Variants in TOX2 observed in about 807,000 individuals in gnomAD.
TOX2 encodes the protein granulosa cell HMG box 1.
A neutral mutation model predicts 47.4 loss-of-function variants in TOX2; 15 were observed. That is an observed-to-expected ratio of 0.32 (90% CI 0.21 to 0.49). The LOEUF is 0.49. Among genes scored for constraint, TOX2 ranks in the 20% least tolerant of loss-of-function variants. The pLI is 0.99. For missense variants in TOX2, 622 were observed against 673.1 expected (o/e 0.92, Z 0.84); for synonymous variants, 290 against 296.6 (o/e 0.98, Z 0.23).
intron 3 of TOX2, among the ~76,000 whole-genome samples, chr20:44,023,431 G>GGAAAAAAAAAAAA (rs1555841868): frequency 8.4e-6 from 1 of 119,148 alleles, no homozygotes. Context: ...CTTTATCTCA[G>GGAAAAAAAAAAAA]AAAAAAAAAA....
At chr20:43,990,753 G>T in intron 2 of TOX2, among the ~76,000 whole-genome samples, 1 of 152,164 alleles carries the variant, frequency 6.6e-6, no homozygotes, top group East Asian at 1.9e-4. Flanking sequence ...TGCTCTAGGG[G>T]ACTTCACTGC....
chr20:43,999,755 G>A (rs565708583), intron 2 of TOX2, among the ~76,000 whole-genome samples: 1 of 152,306 alleles, frequency 6.6e-6, no homozygotes, highest in Non-Finnish European at 1.5e-5. Context: ...TTGCCAGGGG[G>A]CCTGAATAGC....
chr20:44,001,416 T>G (rs1416171798), intron 2 of TOX2, among the ~76,000 whole-genome samples: 6 of 152,226 alleles, frequency 3.9e-5, no homozygotes, highest in Non-Finnish European at 1.5e-5. Flanking sequence ...ACAAGTTGTT[T>G]AGTGTTCAGT....
At chr20:43,974,602 C>A (rs1473511994) in intron 2 of TOX2, among the ~76,000 whole-genome samples, 1 of 152,230 alleles carries the variant, frequency 6.6e-6, no homozygotes, top group Non-Finnish European at 1.5e-5. Context: ...CTATGGCAGT[C>A]CAAGTTGGGT....
intron 1 of TOX2, among the ~76,000 whole-genome samples, chr20:43,954,248 G>C (rs1025551307): frequency 6.6e-6 from 1 of 152,132 alleles, no homozygotes; most frequent in African/African-American, 2.4e-5. Context: ...TGCCTTAAAT[G>C]CTCCCACCCA....
At chr20:44,027,206 A>T (rs1405797994) in intron 3 of TOX2, among the ~76,000 whole-genome samples, 1 of 152,150 alleles carries the variant, frequency 6.6e-6, no homozygotes, top group African/African-American at 2.4e-5. Context: ...CAGAGAATTT[A>T]TAATTAGCTC....
chr20:43,940,642 T>C (rs2069391335), intron 1 of TOX2, among the ~76,000 whole-genome samples: 1 of 150,814 alleles, frequency 6.6e-6, no homozygotes, highest in Admixed American at 6.6e-5. Context: ...TGAGCCAGAG[T>C]CGCAGGGATG....
chr20:44,053,437 TATACACACACACACAC>T (rs2071551952), intron 4 of TOX2, among the ~76,000 whole-genome samples: 1 of 67,180 alleles, frequency 1.5e-5, no homozygotes. Context: ...AGGGCAGATA[TATACACACACACACAC>T]ACACACACAC....
At chr20:44,044,379 A>G (rs1348807571) in intron 3 of TOX2, among the ~76,000 whole-genome samples, 3 of 151,946 alleles carry the variant, frequency 2.0e-5, no homozygotes, top group Non-Finnish European at 2.9e-5. Flanking sequence ...TACATATGTA[A>G]CAAACCTGCA....
chr20:44,054,149 C>G (rs978401954), intron 4 of TOX2, 150 bp from the exon 5 acceptor site: 7 of 735,844 alleles, frequency 9.5e-6, no homozygotes, highest in African/African-American at 3.8e-5. Context: ...GTGTGTGTGT[C>G]TGTCTGTCCA....
chr20:43,953,333 T>C (rs915160613), intron 1 of TOX2, among the ~76,000 whole-genome samples: 7 of 152,222 alleles, frequency 4.6e-5, no homozygotes, highest in African/African-American at 1.7e-4. Flanking sequence ...ACCCAGTGCA[T>C]AGAAGCCGCC....
At chr20:43,978,436 A>C (rs2070116881) in intron 2 of TOX2, among the ~76,000 whole-genome samples, 1 of 152,142 alleles carries the variant, frequency 6.6e-6, no homozygotes, top group African/African-American at 2.4e-5. Flanking sequence ...GAGGAAGCTA[A>C]ACTAAGAGTA....
At chr20:43,992,847 T>G (rs1183834285) in intron 2 of TOX2, among the ~76,000 whole-genome samples, 1 of 92,018 alleles carries the variant, frequency 1.1e-5, no homozygotes, top group African/African-American at 6.4e-5. Context: ...GTGTAGGGTT[T>G]ACAAAAAAAA....
At chr20:43,943,727 T>C (rs929887845) in intron 1 of TOX2, among the ~76,000 whole-genome samples, 18 of 152,340 alleles carry the variant, frequency 1.2e-4, no homozygotes, top group African/African-American at 4.3e-4. Context: ...TCTCTGACAA[T>C]CAATTATACC....
At chr20:43,929,483 A>G (rs2069224020) in intron 1 of TOX2, among the ~76,000 whole-genome samples, 1 of 150,050 alleles carries the variant, frequency 6.7e-6, no homozygotes, top group African/African-American at 2.4e-5. Context: ...CCTTCTTGCT[A>G]TTTCTCAGAT....
At chr20:44,043,216 T>C (rs2071361391) in intron 3 of TOX2, among the ~76,000 whole-genome samples, 1 of 152,168 alleles carries the variant, frequency 6.6e-6, no homozygotes, top group African/African-American at 2.4e-5. Flanking sequence ...AATTAAGTTA[T>C]GTAGGTACCA....
At chr20:43,921,905 G>A (rs1401860570) in intron 1 of TOX2, among the ~76,000 whole-genome samples, 1 of 152,160 alleles carries the variant, frequency 6.6e-6, no homozygotes, top group Admixed American at 6.5e-5. Flanking sequence ...TGGGTTGAAG[G>A]AGCCTCTTAT....
At chr20:43,943,027 C>T (rs889092450) in intron 1 of TOX2, among the ~76,000 whole-genome samples, 4 of 152,186 alleles carry the variant, frequency 2.6e-5, no homozygotes, top group African/African-American at 9.7e-5. Flanking sequence ...ATATTTATTG[C>T]AACGGCAAGA....
chr20:43,993,450 T>C (rs1019061365), intron 2 of TOX2, among the ~76,000 whole-genome samples: 1 of 151,902 alleles, frequency 6.6e-6, no homozygotes. Context: ...GACTTTGTGA[T>C]TGATTGGAGA....
Sources: gnomAD v4.1 joint callset for allele counts (sites outside exome capture counted in the v4.1 genomes callset) on GRCh38, gnomAD v4.1.1 for gene constraint, MANE v1.5 for transcripts, NCBI Gene and HGNC (gene_info 2026-07-23, HGNC 2026-07-21) for gene names.